Variants in NAA60 observed in about 807,000 individuals in gnomAD.
NAA60 encodes the protein N-alpha-acetyltransferase 60.
Under a neutral mutation model 26.1 loss-of-function variants are expected in NAA60, and 8 were observed. The ratio of observed to expected loss-of-function variants is 0.31; its 90% CI spans 0.18 to 0.55. The LOEUF is 0.55. Ranked by LOEUF, NAA60 falls within the 20% of genes least tolerant of loss-of-function variation. The pLI is 0.93. For missense variants in NAA60, 290 were observed against 311.3 expected, an observed-to-expected ratio of 0.93 and a Z score of 0.51; for synonymous variants, 131 against 122.5, an observed-to-expected ratio of 1.07 and a Z score of -0.46.
At chr16:3,474,731 A>G (rs553867633) in intron 2 of NAA60, among the ~76,000 whole-genome samples, 4 of 152,340 alleles carry the variant, frequency 2.6e-5, no homozygotes, top group African/African-American at 9.6e-5. Flanking sequence ...AGCAGCTTTC[A>G]GCTGCGGATT....
intron 2 of NAA60, among the ~76,000 whole-genome samples, chr16:3,458,599 CG>C (rs2035157329): frequency 6.6e-6 from 1 of 152,160 alleles, no homozygotes; most frequent in Non-Finnish European, 1.5e-5. Flanking sequence ...GCCTTCGCCC[CG>C]CTCTCGCCTG....
At chr16:3,474,458 T>A (rs1427878785) in intron 2 of NAA60, among the ~76,000 whole-genome samples, 1 of 152,202 alleles carries the variant, frequency 6.6e-6, no homozygotes, top group Non-Finnish European at 1.5e-5. Context: ...GGAATCTGAT[T>A]AACTAAGGCT....
intron 2 of NAA60, among the ~76,000 whole-genome samples, chr16:3,472,956 T>C (rs2036244934): frequency 1.3e-5 from 2 of 152,224 alleles, no homozygotes; most frequent in South Asian, 2.1e-4. Flanking sequence ...CTGACAAGAT[T>C]AACACCTTCA....
At chr16:3,454,948 C>A (rs58141374) in intron 2 of NAA60, among the ~76,000 whole-genome samples, 1 of 152,104 alleles carries the variant, frequency 6.6e-6, no homozygotes, top group Admixed American at 6.5e-5. Context: ...GGTGCCTAAC[C>A]GAATGAACCG....
rs1162136260 is a variant in NAA60 at position 3,443,726 on chromosome 16, C to T, written c.-188C>T. On this transcript the variant is annotated 5_prime_UTR_variant, in exon 1 of 8. Transcript: ENST00000407558. The stretch of plus-strand genomic sequence containing the variant: ...CCTCCGTGAGCTCCGGGCCTGTTTG[C>T]CTGCTGAAGTAGAGTCTTAGGGTGA... 3 of 1,476,998 alleles carry T rather than the reference C, an allele frequency of 2.0e-6. No individual in the cohort carries two copies. Among genetic ancestry groups the T allele is most frequent in the East Asian group, 5.2e-5 (2 of 38,522 alleles). 91.5% of individuals were successfully genotyped at this position (1,476,998 alleles called of 1,614,324 possible).
intron 3 of NAA60, among the ~76,000 whole-genome samples, chr16:3,477,288 G>C (rs1482058820): frequency 2.0e-5 from 3 of 152,174 alleles, no homozygotes; most frequent in African/African-American, 7.2e-5. Context: ...TACAATATAT[G>C]CACATACAGC....
At chr16:3,475,821 C>G (rs957794014) in intron 2 of NAA60, among the ~76,000 whole-genome samples, 1 of 152,264 alleles carries the variant, frequency 6.6e-6, no homozygotes, top group Non-Finnish European at 1.5e-5. Context: ...GGCTGCTGAA[C>G]CCACAACTGT....
At chr16:3,454,953 G>A (rs944974485) in intron 2 of NAA60, among the ~76,000 whole-genome samples, 1 of 152,210 alleles carries the variant, frequency 6.6e-6, no homozygotes, top group Non-Finnish European at 1.5e-5. Flanking sequence ...CTAACCGAAT[G>A]AACCGTTGTG....
intron 2 of NAA60, chr16:3,456,696 G>A (rs2035012093): frequency 6.6e-6 from 1 of 152,114 alleles, no homozygotes; most frequent in African/African-American, 2.4e-5. Context: ...GTGGGATTCT[G>A]TTACTACTAG....
At chr16:3,467,279 G>T (rs986234740) in intron 2 of NAA60, among the ~76,000 whole-genome samples, 1 of 152,050 alleles carries the variant, frequency 6.6e-6, no homozygotes, top group East Asian at 1.9e-4. Flanking sequence ...CTGGGAGCAT[G>T]TTAGGGGCTC....
intron 4 of NAA60, among the ~76,000 whole-genome samples, chr16:3,480,661 T>C (rs2036771678): frequency 6.8e-6 from 1 of 147,658 alleles, no homozygotes; most frequent in Non-Finnish European, 1.5e-5. Context: ...CTCACACCTA[T>C]AACCCCGGCA....
At chr16:3,481,029 T>G (rs1181163510) in intron 4 of NAA60, among the ~76,000 whole-genome samples, 1 of 152,188 alleles carries the variant, frequency 6.6e-6, no homozygotes, top group African/African-American at 2.4e-5. Flanking sequence ...TTCTCCTGAG[T>G]CACTTTTTCT....
At chr16:3,456,583 T>C (rs989586498) in intron 2 of NAA60, 2 of 152,208 alleles carry the variant, frequency 1.3e-5, no homozygotes, top group African/African-American at 4.8e-5. Context: ...CATTGTGCTC[T>C]CTCTTGTTCA....
chr16:3,459,883 G>A lies in NAA60; in HGVS notation c.-7+11343G>A, dbSNP rs1472182828. The stretch of plus-strand genomic sequence containing the variant: ...GAGTATCTTTAGATGTGACTTATCT[G>A]GGTTGCTTAGCAACAGCATGCTTCA... On this transcript the variant is annotated intron_variant, in intron 2 of 7. Transcript: ENST00000407558. 2.0e-5 allele frequency among the ~76,000 whole-genome samples: 3 copies of A among 152,084 alleles called. No individual in the cohort carries two copies. The East Asian group carries it at 5.8e-4, about 29-fold the overall frequency.
intron 2 of NAA60, among the ~76,000 whole-genome samples, chr16:3,465,394 G>A (rs1463962030): frequency 2.0e-5 from 3 of 152,158 alleles, no homozygotes. Context: ...CTTGGGTCAT[G>A]TTCTTGTCTC....
intron 2 of NAA60, among the ~76,000 whole-genome samples, chr16:3,474,733 C>A (rs1033371455): frequency 1.3e-5 from 2 of 152,246 alleles, no homozygotes; most frequent in African/African-American, 4.8e-5. Flanking sequence ...CAGCTTTCAG[C>A]TGCGGATTTC....
At chr16:3,481,332 C>T (rs1419090546) in intron 4 of NAA60, among the ~76,000 whole-genome samples, 3 of 152,146 alleles carry the variant, frequency 2.0e-5, no homozygotes, top group Non-Finnish European at 2.9e-5. Context: ...TCAAGTGATC[C>T]GCCTGCCTCG....
intron 3 of NAA60, among the ~76,000 whole-genome samples, chr16:3,477,069 A>G (rs750311181): frequency 6.6e-6 from 1 of 152,184 alleles, no homozygotes; most frequent in Admixed American, 6.5e-5. Flanking sequence ...ATATTAAAGG[A>G]AAAAAGTCAG....
intron 4 of NAA60, among the ~76,000 whole-genome samples, chr16:3,480,019 T>C (rs1391766030): frequency 6.6e-6 from 1 of 152,202 alleles, no homozygotes; most frequent in Non-Finnish European, 1.5e-5. Context: ...TAATTTTTTT[T>C]CCTCTAACTT....
Sources: allele counts gnomAD v4.1 joint callset (sites outside exome capture counted in the v4.1 genomes callset), GRCh38; gene constraint gnomAD v4.1.1; transcripts MANE v1.5; gene names NCBI Gene and HGNC (gene_info 2026-07-23, HGNC 2026-07-21).